The following PTP4A1 variants were observed in gnomAD, a reference collection of about 807,000 sequenced individuals.
The protein encoded by PTP4A1 is protein tyrosine phosphatase type IVA 1.
In PTP4A1, 9 loss-of-function variants were observed where a neutral mutation model predicts 20.5. That is an observed-to-expected ratio of 0.44 (90% CI 0.26 to 0.77). PTP4A1 has a LOEUF of 0.77. Among genes scored for constraint, PTP4A1 ranks in the 30% least tolerant of loss-of-function variants. The pLI, the probability that PTP4A1 is intolerant of heterozygous loss-of-function variation, is 0.19. For synonymous variants in PTP4A1, 78 were observed against 67.4 expected (o/e 1.16, Z -0.77); for missense variants, 137 against 218.8 (o/e 0.63, Z 2.36).
intron 1 of PTP4A1, among the ~76,000 whole-genome samples, chr6:63,574,131 A>G (rs1396865135): frequency 1.3e-5 from 2 of 152,204 alleles, no homozygotes; most frequent in Non-Finnish European, 2.9e-5. Context: ...GAAAACTAGA[A>G]AACTAAATCA....
At chr6:63,560,493 C>T (rs1776896378) in intron 3 of PTP4A1, among the ~76,000 whole-genome samples, 1 of 151,146 alleles carries the variant, frequency 6.6e-6, no homozygotes, top group Admixed American at 6.6e-5. Context: ...ACCTCTGCCT[C>T]CCGAGTTCAA....
chr6:63,575,802 T>G (rs1232042172), intron 1 of PTP4A1, among the ~76,000 whole-genome samples: 1 of 152,116 alleles, frequency 6.6e-6, no homozygotes, highest in Non-Finnish European at 1.5e-5. Flanking sequence ...CGTCTTCAGT[T>G]TAATGGGAAT....
At chr6:63,546,182 C>T (rs543514089) in intron 2 of PTP4A1, among the ~76,000 whole-genome samples, 4 of 152,224 alleles carry the variant, frequency 2.6e-5, no homozygotes, top group Non-Finnish European at 4.4e-5. Context: ...AGTATATACA[C>T]ACACAGGAAT....
chr6:63,546,290 A>G (rs1615595), intron 2 of PTP4A1, among the ~76,000 whole-genome samples: 1,774 of 152,354 alleles, frequency 0.012, 29 homozygotes, highest in African/African-American at 0.04. Context: ...AGGCACAGAA[A>G]GACACATACT....
In PTP4A1 at chr6:63,581,670, A is replaced by G. The variant is rs1778238513; in HGVS notation, c.*1496A>G. 1 of 152,154 alleles carries G rather than the reference A, an allele frequency of 6.6e-6. No individual in the cohort carries two copies. The highest frequency in any genetic ancestry group is 1.5e-5 in the Non-Finnish European group (1 of 67,994). The allele number at this position is 152,154 out of a possible 1,614,324, so 9.4% of individuals were successfully genotyped here. A position where few individuals can be genotyped will look rare whatever the true frequency, so the allele number is the denominator to read the frequency against. The stretch of plus-strand genomic sequence containing the variant: ...TTATATACTTTTTAAAGGTCTAGAT[A>G]ATTTTGAACCAATTTATTATTGTGT... On this transcript the variant is annotated 3_prime_UTR_variant, in exon 6 of 6. Transcript: ENST00000626021.
chr6:63,549,936 A>T (rs1320638796), intron 2 of PTP4A1, among the ~76,000 whole-genome samples: 1 of 152,182 alleles, frequency 6.6e-6, no homozygotes, highest in East Asian at 1.9e-4. Context: ...ATTCAGTTTC[A>T]AATTGCTAGA....
At chr6:63,571,477 A>G (rs184688051), upstream of PTP4A1, 6 of 152,350 alleles carry the variant, frequency 3.9e-5, no homozygotes, top group East Asian at 1.9e-4. Context: ...CAGAATTGCG[A>G]TAAGACTTTA....
At chr6:63,553,933 G>A (rs928038815) in intron 3 of PTP4A1, among the ~76,000 whole-genome samples, 5 of 152,140 alleles carry the variant, frequency 3.3e-5, no homozygotes, top group Admixed American at 3.3e-4. Context: ...AAAAATAGCA[G>A]GGCATCAAAG....
intron 3 of PTP4A1, among the ~76,000 whole-genome samples, chr6:63,553,878 T>G (rs1483418046): frequency 6.6e-6 from 1 of 152,146 alleles, no homozygotes; most frequent in East Asian, 1.9e-4. Context: ...GTCAGGTTAT[T>G]CAAAAGGTTA....
intron 3 of PTP4A1, among the ~76,000 whole-genome samples, chr6:63,555,379 A>C (rs1776635070): frequency 6.6e-6 from 1 of 152,224 alleles, no homozygotes; most frequent in South Asian, 2.1e-4. Context: ...GATTAGATCT[A>C]GACTAATAGG....
At chr6:63,542,426 TAA>T (rs371701345) in intron 2 of PTP4A1, among the ~76,000 whole-genome samples, 1 of 144,324 alleles carries the variant, frequency 6.9e-6, no homozygotes, top group South Asian at 2.2e-4. Context: ...CCTATGGAAA[TAA>T]AAAAAAAAAC....
intron 3 of PTP4A1, among the ~76,000 whole-genome samples, chr6:63,552,117 C>G (rs1346948601): frequency 6.6e-6 from 1 of 152,196 alleles, no homozygotes; most frequent in Non-Finnish European, 1.5e-5. Flanking sequence ...GGAATCGCCA[C>G]ACTGACTTCC....
At chr6:63,572,467 G>T (rs981139514), upstream of PTP4A1, 46 of 386,472 alleles carry the variant, frequency 1.2e-4, no homozygotes, top group Non-Finnish European at 1.9e-4. Flanking sequence ...GGGAGGGCTT[G>T]TGACGCAAGG....
chr6:63,544,575 G>A (rs1353162628), intron 2 of PTP4A1, among the ~76,000 whole-genome samples: 2 of 152,118 alleles, frequency 1.3e-5, no homozygotes, highest in Non-Finnish European at 2.9e-5. Context: ...CTGGGTCACA[G>A]ACTGGCTAGA....
At chr6:63,548,141 CAGTT>C (rs1776284676) in intron 2 of PTP4A1, among the ~76,000 whole-genome samples, 2 of 152,190 alleles carry the variant, frequency 1.3e-5, no homozygotes, top group Non-Finnish European at 2.9e-5. Context: ...TCCTAGGTCT[CAGTT>C]AGATGACCCT....
chr6:63,549,492 T>G, intron 2 of PTP4A1: 1 of 777,424 alleles, frequency 1.3e-6, no homozygotes, highest in Admixed American at 1.9e-5. Flanking sequence ...TCCCTTGGCC[T>G]TCTTTCCTTT....
intron 3 of PTP4A1, among the ~76,000 whole-genome samples, chr6:63,564,903 TA>T (rs1777121549): frequency 6.6e-6 from 1 of 152,244 alleles, no homozygotes; most frequent in South Asian, 2.1e-4. Context: ...AGTCATGAGT[TA>T]TGGATAGATT....
chr6:63,579,642 C>T (rs1026801577), intron 5 of PTP4A1, among the ~76,000 whole-genome samples: 1 of 152,158 alleles, frequency 6.6e-6, no homozygotes, highest in Non-Finnish European at 1.5e-5. Flanking sequence ...GCACAGGTCT[C>T]CAAAGGAGAC....
intron 2 of PTP4A1, among the ~76,000 whole-genome samples, chr6:63,530,536 C>T (rs906510945): frequency 2.6e-5 from 4 of 152,014 alleles, no homozygotes; most frequent in Non-Finnish European, 4.4e-5. Context: ...CAGTGGACGC[C>T]GTTCACATAG....
Sources: gnomAD v4.1 joint callset for allele counts (sites outside exome capture counted in the v4.1 genomes callset) on GRCh38, gnomAD v4.1.1 for gene constraint, MANE v1.5 for transcripts, NCBI Gene and HGNC (gene_info 2026-07-23, HGNC 2026-07-21) for gene names.